Variants in OPA3 observed in about 807,000 individuals in gnomAD.
The protein encoded by OPA3 is optic atrophy 3 protein.
OPA3 carries 6 observed loss-of-function variants against 4.0 expected under a neutral mutation model. That is an observed-to-expected ratio of 1.51 (90% CI 0.83 to 2.99). The LOEUF is 2.99. Among genes scored for constraint, OPA3 ranks in the 30% most tolerant of loss-of-function variants. The pLI is 0.00. For missense variants in OPA3, 235 were observed against 256.2 expected, an observed-to-expected ratio of 0.92 and a Z score of 0.56; for synonymous variants, 105 against 117.1, an observed-to-expected ratio of 0.90 and a Z score of 0.67.
chr19:45,545,710 CTTTT>C (rs991429583), downstream of OPA3, among the ~76,000 whole-genome samples: 2 of 129,532 alleles, frequency 1.5e-5, no homozygotes, highest in Non-Finnish European at 1.7e-5. Context: ...ACATGCTTTT[CTTTT>C]TTTTTTTTTT....
chr19:45,569,871 G>A (rs1969635783), intron 1 of OPA3, among the ~76,000 whole-genome samples: 3 of 152,104 alleles, frequency 2.0e-5, no homozygotes, highest in Admixed American at 2.0e-4. Context: ...TGACACCACT[G>A]AGCCACCAAA....
chr19:45,560,449 C>T (rs1423580726), intron 1 of OPA3, among the ~76,000 whole-genome samples: 2 of 152,128 alleles, frequency 1.3e-5, no homozygotes, highest in African/African-American at 4.8e-5. Context: ...TGTGGAGGTG[C>T]CCAGGAGGTG....
intron 1 of OPA3, among the ~76,000 whole-genome samples, chr19:45,567,660 C>A (rs141128666): frequency 1.7e-4 from 26 of 152,158 alleles, no homozygotes; most frequent in African/African-American, 5.8e-4. Context: ...GATACTATAT[C>A]TCAACAAAGA....
At chr19:45,532,388 T>C (rs1969069299) in intron 1 of OPA3, among the ~76,000 whole-genome samples, 1 of 152,196 alleles carries the variant, frequency 6.6e-6, no homozygotes, top group Non-Finnish European at 1.5e-5. Context: ...TGAGTCTTTC[T>C]AGCAAATTAC....
chr19:45,533,553 C>T (rs1390853028), intron 1 of OPA3, among the ~76,000 whole-genome samples: 1 of 152,188 alleles, frequency 6.6e-6, no homozygotes, highest in Non-Finnish European at 1.5e-5. Context: ...TACGTTGTTT[C>T]CTTTTACCCT....
chr19:45,550,677 C>T lies in OPA3; in HGVS notation c.*2837G>A. On this transcript the variant is annotated 3_prime_UTR_variant, in exon 2 of 2. Coordinates refer to ENST00000263275, the MANE Select transcript of OPA3 (RefSeq NM_025136.4). ...TCATAGGGTGACTCTTGGGCCTCTCCCCATCAGAACCCTCCCAGTTTCCCT... is the reference window on the plus strand; with the variant it reads ...TCATAGGGTGACTCTTGGGCCTCTCTCCATCAGAACCCTCCCAGTTTCCCT... 1.0e-6 allele frequency: 1 copy of T among 985,902 alleles called. No individual in the cohort carries two copies. The highest frequency in any genetic ancestry group is 1.2e-6 in the Non-Finnish European group (1 of 830,154). 61.1% of individuals were successfully genotyped at this position (985,902 alleles called of 1,614,324 possible). A position where few individuals can be genotyped will look rare whatever the true frequency, so the allele number is the denominator to read the frequency against.
At position 45,538,519 on chromosome 19, in the gene OPA3, G is replaced by A. The variant is rs576337274; in HGVS notation, c.143-9063C>T. Among the ~76,000 whole-genome samples the A allele has an allele frequency of 1.2e-4, 19 of 152,218 alleles. No homozygotes were observed. The South Asian group carries it at 3.5e-3, about 28-fold the overall frequency. On this transcript the variant is annotated intron_variant, in intron 1 of 1. Coordinates refer to the OPA3 transcript ENST00000323060. ...GCAGATCACTTGAGGTCAGAAGTTC[G>A]AGACCAGGCTGGCCAACATGGTGAA... is the stretch of plus-strand genomic sequence containing the variant.
At position 45,552,051 on chromosome 19, in the gene OPA3, C is replaced by T. The variant is rs892206117; in HGVS notation, c.*1463G>A. 4 of 985,216 alleles carry T rather than the reference C, an allele frequency of 4.1e-6. No individual in the cohort carries two copies. The highest frequency in any genetic ancestry group is 6.2e-5 in the Admixed American group (1 of 16,218). The allele number at this position is 985,216 out of a possible 1,614,324, so 61.0% of individuals were successfully genotyped here. ...CTAGTTAGGATCAAATTTCCCACCA[C>T]GGAAAGGGGGGTTGGAGGACATTCA... On this transcript the variant is annotated 3_prime_UTR_variant, in exon 2 of 2. Coordinates refer to ENST00000263275, the MANE Select transcript of OPA3 (RefSeq NM_025136.4).
At chr19:45,575,647 C>T (rs1969755487) in intron 1 of OPA3, among the ~76,000 whole-genome samples, 2 of 152,148 alleles carry the variant, frequency 1.3e-5, no homozygotes, top group Non-Finnish European at 2.9e-5. Context: ...TGCTCTGTCA[C>T]CCAGGCTGGA....
chr19:45,540,781 TGAGA>T (rs374607603), intron 1 of OPA3, among the ~76,000 whole-genome samples: 3 of 148,854 alleles, frequency 2.0e-5, no homozygotes, highest in African/African-American at 7.4e-5. Context: ...CCAGCCTGGG[TGAGA>T]GAGAGAGACT....
chr19:45,576,490 A>G (rs764069498), intron 1 of OPA3, among the ~76,000 whole-genome samples: 26 of 151,532 alleles, frequency 1.7e-4, no homozygotes, highest in Non-Finnish European at 3.7e-4. Flanking sequence ...GTGAGTTGAG[A>G]TCGTGCCACT....
Position 45,546,577 on chromosome 19 carries a change from C to T in OPA3, c.*6937G>A, listed in dbSNP as rs1017726666. 1 of 205,322 alleles carries T rather than the reference C, an allele frequency of 4.9e-6. No individual in the cohort carries two copies. The highest frequency in any genetic ancestry group is 2.4e-5 in the African/African-American group (1 of 42,270). 12.7% of individuals were successfully genotyped at this position (205,322 alleles called of 1,614,324 possible). ...GTGGCCTGATCTCAGTTCACTGCAG[C>T]CTTAAACACCCGGGTTCAAGCGATC... On this transcript the variant is annotated 3_prime_UTR_variant, in exon 2 of 2. Coordinates refer to ENST00000263275, the MANE Select transcript of OPA3 (RefSeq NM_025136.4).
In OPA3 at chr19:45,535,471, C is replaced by A. The variant is rs1969105506; in HGVS notation, c.143-6015G>T. Among the ~76,000 whole-genome samples the A allele has an allele frequency of 3.4e-5, 5 of 148,442 alleles. No homozygotes were observed. In the South Asian group the frequency reaches 8.5e-4, roughly 25 times the overall value. On this transcript the variant is annotated intron_variant, in intron 1 of 1. Coordinates refer to the OPA3 transcript ENST00000323060. ...ACTGCAGCCTCAAGTGATCCACCTA[C>A]TTCAGCCTCCTGAGTAGCTGGGACT... is the stretch of plus-strand genomic sequence containing the variant.
intron 1 of OPA3, among the ~76,000 whole-genome samples, chr19:45,534,792 C>T (rs2122381006): frequency 6.6e-6 from 1 of 151,734 alleles, no homozygotes; most frequent in East Asian, 2.0e-4. Context: ...GCCACCATGC[C>T]CGGCTAATTT....
Position 45,529,218 on chromosome 19 carries a change from G to A in OPA3, c.381C>T (p.Gly127=), listed in dbSNP as rs778599826. Residue 127 remains glycine, a synonymous_variant, in exon 2 of 2, where the codon GGC becomes GGT. Transcript: ENST00000323060. ...ACTCCTCGAGCGCCAGCCCCAAGTG[G>A]CCCACCTCGCCCCGCAGCGCCTCCC... The A allele has an allele frequency of 3.1e-6, 5 of 1,612,392 alleles. No homozygotes were observed. In the East Asian group the frequency reaches 6.7e-5, roughly 22 times the overall value.
chr19:45,543,364 A>G (rs1350434298), downstream of OPA3, among the ~76,000 whole-genome samples: 1 of 150,354 alleles, frequency 6.7e-6, no homozygotes, highest in Non-Finnish European at 1.5e-5. Context: ...TCTGTTGCCC[A>G]GGCTGGAGTG....
rs1338422249 is a variant in OPA3 at position 45,553,601 on chromosome 19, T to C, written c.453A>G (p.Glu151=). ...QAAPPQGALE[E]LRTELQEVRA... is the part of the protein sequence containing the mutation. ...GCACCTCTTGCAGCTCTGTGCGCAG[T>C]TCCTCCAGGGCGCCCTGTGGCGGCG... The change falls in exon 2 of 2, where the codon GAA becomes GAG. Residue 151 remains glutamate, a synonymous_variant. Transcript: ENST00000263275. 6.2e-7 allele frequency: 1 copy of C among 1,611,206 alleles called. No homozygotes were observed. The highest frequency in any genetic ancestry group is 1.3e-5 in the African/African-American group (1 of 74,900).
chr19:45,554,951 CGTCT>C (rs1969398498), intron 1 of OPA3, among the ~76,000 whole-genome samples: 1 of 152,036 alleles, frequency 6.6e-6, no homozygotes, highest in African/African-American at 2.4e-5. Flanking sequence ...CCACCATGCC[CGTCT>C]AATTTTTCGT....
chr19:45,562,968 AAACAGAAACAGCCCC>A (rs1386565632), intron 1 of OPA3, among the ~76,000 whole-genome samples: 2 of 152,124 alleles, frequency 1.3e-5, no homozygotes, highest in Non-Finnish European at 1.5e-5. Context: ...AGAAAAATGA[AAACAGAAACAGCCCC>A]CAGGTGGCTC....
Sources: allele counts gnomAD v4.1 joint callset (sites outside exome capture counted in the v4.1 genomes callset), GRCh38; gene constraint gnomAD v4.1.1; transcripts MANE v1.5; gene names NCBI Gene and HGNC (gene_info 2026-07-23, HGNC 2026-07-21).